The following PRH1 variants were observed in gnomAD, a reference collection of about 807,000 sequenced individuals.
PRH1 encodes the protein salivary acidic proline-rich phosphoprotein 1/2.
In PRH1, 7 loss-of-function variants were observed where a neutral mutation model predicts 7.9. The observed-to-expected ratio is 0.89, with a 90% CI of 0.50 to 1.67. The LOEUF (loss-of-function observed/expected upper bound fraction) is 1.67. Among genes scored for constraint, PRH1 ranks in the 40% most tolerant of loss-of-function variants. The pLI is 0.00. For missense variants in PRH1, 109 were observed against 223.6 expected (o/e 0.49, Z 3.27); for synonymous variants, 45 against 80.8 (o/e 0.56, Z 2.38).
intron 1 of PRH1, among the ~76,000 whole-genome samples, chr12:11,074,662 A>T (rs1944225650): frequency 8.7e-6 from 1 of 114,820 alleles, no homozygotes; most frequent in East Asian, 2.1e-4. Context: ...TAAAAAAAAA[A>T]CAAAACAAGT....
In PRH1 at chr12:10,897,607, C is replaced by T. The variant is rs1054169215; in HGVS notation, c.-58-13332G>A. Among the ~76,000 whole-genome samples the T allele has an allele frequency of 3.9e-5, 6 of 152,244 alleles. No individual in the cohort carries two copies. In the East Asian group the frequency reaches 5.8e-4, roughly 15 times the overall value. On this transcript the variant is annotated intron_variant, in intron 2 of 3. Transcript: ENST00000539853. ...TTCACAGGCTGTACAGGAAGCATGG[C>T]GGCATCTGTTTCTGGGGAGGCCTCA...
chr12:11,087,304 G>T (rs1944739616), intron 1 of PRH1, among the ~76,000 whole-genome samples: 1 of 116,626 alleles, frequency 8.6e-6, no homozygotes, highest in African/African-American at 2.9e-5. Context: ...GTTTCCATAT[G>T]TTGCAAAGGG....
At chr12:10,905,100 A>G (rs1949784358) in intron 2 of PRH1, among the ~76,000 whole-genome samples, 1 of 152,012 alleles carries the variant, frequency 6.6e-6, no homozygotes, top group African/African-American at 2.4e-5. Flanking sequence ...TACGTCAGCC[A>G]CTGTAGAAAG....
chr12:10,919,344 C>T (rs529148787), intron 2 of PRH1, among the ~76,000 whole-genome samples: 49 of 152,092 alleles, frequency 3.2e-4, no homozygotes, highest in African/African-American at 1.2e-3. Context: ...TATTCTATGC[C>T]ACTCTTTAAA....
intron 3 of PRH1, among the ~76,000 whole-genome samples, 169 bp from the exon 4 acceptor site, chr12:10,881,225 T>C (rs1386421065): frequency 6.6e-6 from 1 of 152,226 alleles, no homozygotes; most frequent in African/African-American, 2.4e-5. Flanking sequence ...TTGTTCACTC[T>C]TTAAGCCATT....
In PRH1 at chr12:11,123,066, G is replaced by C. The variant is rs144143113; in HGVS notation, n.40-1886C>G. 4.5e-3 allele frequency among the ~76,000 whole-genome samples: 689 copies of C among 152,178 alleles called. 5 individuals carry two copies. The highest frequency in any genetic ancestry group is 0.016 in the African/African-American group (662 of 41,528). On this transcript the variant is annotated intron_variant and non_coding_transcript_variant, in intron 1 of 1. Coordinates refer to the PRH1 transcript ENST00000541175. Reference sequence around the variant, plus strand: ...TCAATAGCTTCGTTTGGTCTGCTTTGAACTGTGTATAGGTGCAATCCTATA... The same window carrying C: ...TCAATAGCTTCGTTTGGTCTGCTTTCAACTGTGTATAGGTGCAATCCTATA...
chr12:10,915,786 C>T (rs1173757374), intron 2 of PRH1, among the ~76,000 whole-genome samples: 2 of 152,214 alleles, frequency 1.3e-5, no homozygotes, highest in Non-Finnish European at 1.5e-5. Context: ...TTTCATCTGT[C>T]CTGTCTTTGC....
intron 1 of PRH1, chr12:10,986,123 G>A (rs776139559): frequency 6.2e-6 from 10 of 1,613,928 alleles, no homozygotes; most frequent in South Asian, 5.5e-5. Flanking sequence ...AAACCGAAAC[G>A]ATTAGGAATA....
At chr12:11,103,589 A>C (rs1945321617) in intron 1 of PRH1, among the ~76,000 whole-genome samples, 1 of 152,050 alleles carries the variant, frequency 6.6e-6, no homozygotes, top group Admixed American at 6.5e-5. Flanking sequence ...ACCTAATGTA[A>C]ATGACGAGTT....
At position 10,986,757 on chromosome 12, in the gene PRH1, C is replaced by T. The variant is rs370737133; in HGVS notation, c.-125-13036G>A. 3.1e-6 allele frequency: 5 copies of T among 1,610,520 alleles called. No individual in the cohort carries two copies. The African/African-American group carries it at 5.4e-5, about 17-fold the overall frequency. ...TGAGGAGATCTTTTTTCTCTTCACC[C>T]AGTCAATGAAATTTACCAGTGCTAT... is the stretch of plus-strand genomic sequence containing the variant. On this transcript the variant is annotated intron_variant, in intron 1 of 3. Transcript: ENST00000539853.
intron 1 of PRH1, among the ~76,000 whole-genome samples, chr12:11,040,653 T>A (rs149554683): frequency 1.6e-4 from 25 of 152,260 alleles, no homozygotes; most frequent in African/African-American, 4.8e-4. Context: ...GGCACATGTA[T>A]ACCTATGTAA....
chr12:11,047,014 A>T lies in PRH1; in HGVS notation c.-126+6T>A, dbSNP rs74062426. On this transcript the variant is annotated splice_donor_region_variant and intron_variant, in intron 1 of 3. Coordinates refer to the PRH1 transcript ENST00000539853. Reference sequence around the variant, plus strand: ...TTTGAAAACACGTCTAAGTGCTTTGACTCACCTCATATGGATAGATGGAGT... The same window carrying T: ...TTTGAAAACACGTCTAAGTGCTTTGTCTCACCTCATATGGATAGATGGAGT... 2.5e-3 allele frequency: 1,272 copies of T among 505,556 alleles called. 21 individuals carry two copies. In the East Asian group the frequency reaches 0.044, roughly 17 times the overall value. 31.3% of individuals were successfully genotyped at this position (505,556 alleles called of 1,614,324 possible).
intron 1 of PRH1, among the ~76,000 whole-genome samples, chr12:10,988,307 C>T (rs747961462): frequency 6.6e-6 from 1 of 151,872 alleles, no homozygotes; most frequent in Non-Finnish European, 1.5e-5. Flanking sequence ...ATATATTTGC[C>T]CCTGTTTTGT....
intron 1 of PRH1, among the ~76,000 whole-genome samples, chr12:10,985,074 GA>G (rs35638884): frequency 9.3e-5 from 14 of 150,496 alleles, no homozygotes; most frequent in African/African-American, 1.7e-4. Flanking sequence ...AGGTGGTTTA[GA>G]AAAAAAAACC....
At chr12:11,038,173 T>C (rs560669228) in intron 1 of PRH1, among the ~76,000 whole-genome samples, 3 of 152,404 alleles carry the variant, frequency 2.0e-5, no homozygotes, top group African/African-American at 7.2e-5. Flanking sequence ...CCTAATTTTA[T>C]ACTTAGAAAT....
At chr12:11,080,447 CAT>C (rs1324343743) in intron 1 of PRH1, among the ~76,000 whole-genome samples, 233 of 78,984 alleles carry the variant, frequency 2.9e-3, no homozygotes, top group Admixed American at 4.1e-3. Flanking sequence ...CATTCTTTCA[CAT>C]ATCATTTGCT....
chr12:10,980,005 TG>T (rs1198261777), intron 1 of PRH1, among the ~76,000 whole-genome samples: 2 of 152,128 alleles, frequency 1.3e-5, no homozygotes, highest in African/African-American at 4.8e-5. Flanking sequence ...ATGTCAAATA[TG>T]CTATTAGAGA....
At chr12:11,038,233 T>C (rs1423428706) in intron 1 of PRH1, among the ~76,000 whole-genome samples, 1 of 152,196 alleles carries the variant, frequency 6.6e-6, no homozygotes. Context: ...GAGCATAACA[T>C]ACACATAGAG....
intron 1 of PRH1, among the ~76,000 whole-genome samples, chr12:11,137,925 C>A (rs1195466748): frequency 6.6e-6 from 1 of 152,030 alleles, no homozygotes; most frequent in Non-Finnish European, 1.5e-5. Context: ...AAGTACTAGA[C>A]TTCAAAGTAA....
Sources: gnomAD v4.1 joint callset for allele counts (sites outside exome capture counted in the v4.1 genomes callset) on GRCh38, gnomAD v4.1.1 for gene constraint, MANE v1.5 for transcripts, NCBI Gene and HGNC (gene_info 2026-07-23, HGNC 2026-07-21) for gene names.